The following LRBA variants were observed in gnomAD, a reference collection of about 807,000 sequenced individuals.
LRBA encodes LPS responsive beige-like anchor protein, also known as lipopolysaccharide-responsive and beige-like anchor protein.
A neutral mutation model predicts 330.0 loss-of-function variants in LRBA; 176 were observed. The ratio of observed to expected loss-of-function variants is 0.53; its 90% confidence interval spans 0.47 to 0.60. The LOEUF (loss-of-function observed/expected upper bound fraction) is 0.60, where lower values mean the gene tolerates loss of function less well. Among genes scored for constraint, LRBA ranks in the 20% least tolerant of loss-of-function variants. LRBA has a pLI of 0.00. For missense variants in LRBA, 3,259 were observed against 3,444.8 expected, an observed-to-expected ratio of 0.95 and a Z score of 1.35; for synonymous variants, 1,230 against 1,193.0, an observed-to-expected ratio of 1.03 and a Z score of -0.64.
intron 44 of LRBA, among the ~76,000 whole-genome samples, chr4:150,461,042 C>A (rs900443787): frequency 6.6e-6 from 1 of 151,628 alleles, no homozygotes; most frequent in Non-Finnish European, 1.5e-5. Flanking sequence ...TAGTTTTAAC[C>A]GAACATTCAG....
At chr4:150,283,046 T>C (rs1258528567) in intron 54 of LRBA, among the ~76,000 whole-genome samples, 1 of 152,230 alleles carries the variant, frequency 6.6e-6, no homozygotes, top group Non-Finnish European at 1.5e-5. Context: ...GACCTCTCCC[T>C]GCACCTTGCA....
At chr4:150,635,891 T>C (rs1296260002) in intron 37 of LRBA, among the ~76,000 whole-genome samples, 3 of 152,236 alleles carry the variant, frequency 2.0e-5, no homozygotes, top group African/African-American at 7.2e-5. Context: ...AGAATAGTTC[T>C]ATAGTCTTTC....
At chr4:150,872,642 C>T in intron 18 of LRBA, 21 bp downstream of exon 18, 2 of 1,492,990 alleles carry the variant, frequency 1.3e-6, no homozygotes. Context: ...AACAGTCCAT[C>T]TTAGATTTCG....
intron 17 of LRBA, among the ~76,000 whole-genome samples, chr4:150,891,258 C>T (rs567445984): frequency 3.3e-5 from 5 of 152,106 alleles, no homozygotes; most frequent in Non-Finnish European, 7.4e-5. Context: ...CATGAATGTT[C>T]ATAGCAAGCT....
intron 17 of LRBA, among the ~76,000 whole-genome samples, chr4:150,891,799 C>A (rs958810538): frequency 6.6e-6 from 1 of 152,164 alleles, no homozygotes; most frequent in East Asian, 1.9e-4. Flanking sequence ...TGAATAAAGA[C>A]ACTTTTTATC....
At chr4:150,275,777 A>G (rs1282255825) in intron 56 of LRBA, among the ~76,000 whole-genome samples, 2 of 152,236 alleles carry the variant, frequency 1.3e-5, no homozygotes, top group African/African-American at 4.8e-5. Flanking sequence ...GAAATAAGAG[A>G]GGACACAAAT....
intron 48 of LRBA, among the ~76,000 whole-genome samples, chr4:150,337,315 A>G (rs191701226): frequency 1.9e-4 from 29 of 151,378 alleles, no homozygotes; most frequent in East Asian, 7.7e-4. Context: ...AGTTAATAGG[A>G]AAAAAAATCA....
chr4:150,307,808 T>C (rs1356062654), intron 52 of LRBA, among the ~76,000 whole-genome samples: 2 of 152,084 alleles, frequency 1.3e-5, no homozygotes, highest in East Asian at 3.9e-4. Context: ...TTAGGTTCAA[T>C]AGTAATCCAC....
intron 37 of LRBA, among the ~76,000 whole-genome samples, chr4:150,637,528 T>C (rs375765397): frequency 6.6e-6 from 1 of 152,184 alleles, no homozygotes; most frequent in Admixed American, 6.5e-5. Flanking sequence ...CAAGGGGATG[T>C]CACTCCAAAA....
At chr4:150,294,534 T>C (rs1300106755) in intron 53 of LRBA, among the ~76,000 whole-genome samples, 1 of 152,198 alleles carries the variant, frequency 6.6e-6, no homozygotes, top group Non-Finnish European at 1.5e-5. Context: ...ATGCCTCATC[T>C]ATAAGTCAAG....
At chr4:150,582,932 C>T (rs878922026) in intron 40 of LRBA, 3 of 1,421,122 alleles carry the variant, frequency 2.1e-6, no homozygotes, top group South Asian at 2.8e-5. Context: ...GAGCGCACCG[C>T]CTCTTTCGAA....
intron 37 of LRBA, among the ~76,000 whole-genome samples, chr4:150,654,650 G>A (rs1288635671): frequency 6.6e-6 from 1 of 151,982 alleles, no homozygotes; most frequent in Non-Finnish European, 1.5e-5. Context: ...CTATTAACTC[G>A]TCATTTAACA....
intron 17 of LRBA, among the ~76,000 whole-genome samples, chr4:150,890,251 G>C (rs1729326266): frequency 6.6e-6 from 1 of 152,148 alleles, no homozygotes; most frequent in South Asian, 2.1e-4. Context: ...TAGAAGTATA[G>C]ATCATGAATT....
At chr4:150,683,101 T>C (rs926361581) in intron 37 of LRBA, among the ~76,000 whole-genome samples, 2 of 152,128 alleles carry the variant, frequency 1.3e-5, no homozygotes, top group African/African-American at 4.8e-5. Flanking sequence ...CATTTTATTG[T>C]ATTTTCAAAA....
chr4:150,848,318 C>T (rs1455608248), intron 26 of LRBA, among the ~76,000 whole-genome samples: 2 of 151,950 alleles, frequency 1.3e-5, no homozygotes, highest in Non-Finnish European at 2.9e-5. Flanking sequence ...CCAGCCTAGA[C>T]CTATATAATC....
chr4:150,963,717 C>T (rs1221479478), intron 2 of LRBA, among the ~76,000 whole-genome samples: 4 of 144,250 alleles, frequency 2.8e-5, no homozygotes, highest in African/African-American at 1.1e-4. Context: ...TCTTCCCGGC[C>T]GCCACCCCGT....
chr4:150,612,061 C>T (rs1775325773), intron 37 of LRBA, among the ~76,000 whole-genome samples: 1 of 152,120 alleles, frequency 6.6e-6, no homozygotes, highest in Non-Finnish European at 1.5e-5. Flanking sequence ...AGCCACCATG[C>T]CAGGGGAATT....
chr4:150,486,163 T>C (rs1373051305), intron 42 of LRBA, among the ~76,000 whole-genome samples: 1 of 151,904 alleles, frequency 6.6e-6, no homozygotes, highest in Non-Finnish European at 1.5e-5. Flanking sequence ...CATTTAACAA[T>C]GTATATATGT....
At chr4:150,404,933 A>G (rs1302439413) in intron 47 of LRBA, among the ~76,000 whole-genome samples, 1 of 152,244 alleles carries the variant, frequency 6.6e-6, no homozygotes, top group Non-Finnish European at 1.5e-5. Flanking sequence ...TCATTTGTCC[A>G]GAGTTCAGAA....
Sources: gnomAD v4.1 joint callset for allele counts (sites outside exome capture counted in the v4.1 genomes callset) on GRCh38, gnomAD v4.1.1 for gene constraint, MANE v1.5 for transcripts, NCBI Gene and HGNC (gene_info 2026-07-23, HGNC 2026-07-21) for gene names.